The following DPP10 variants were observed in gnomAD, a reference collection of about 807,000 sequenced individuals.
DPP10 encodes the protein inactive dipeptidyl peptidase 10.
In DPP10, 33 loss-of-function variants were observed where a neutral mutation model predicts 120.9. The ratio of observed to expected loss-of-function variants is 0.27; its 90% confidence interval spans 0.21 to 0.37. The LOEUF is 0.37. DPP10 is among the 10% of genes least tolerant of loss of function. The probability of loss-of-function intolerance (pLI) is 1.00; values close to 1 mark genes in which losing one functional copy is unlikely to be tolerated. For synonymous variants in DPP10, 337 were observed against 326.1 expected (o/e 1.03, Z -0.36); for missense variants, 816 against 942.8 (o/e 0.87, Z 1.76).
At chr2:115,797,821 T>G (rs551707315) in intron 19 of DPP10, among the ~76,000 whole-genome samples, 3 of 152,080 alleles carry the variant, frequency 2.0e-5, no homozygotes, top group Non-Finnish European at 4.4e-5. Context: ...AAACTCAAAC[T>G]TGCTGTATTA....
In DPP10 at chr2:115,555,027, A is replaced by G. The variant is rs1272883705; in HGVS notation, c.441+29055A>G. On this transcript the variant is annotated intron_variant, in intron 5 of 25. Coordinates refer to ENST00000410059, the MANE Select transcript of DPP10 (RefSeq NM_020868.6). ...GAAAATATCTAACTTCTGCATTAAT[A>G]TCTAGGTTTTCACACCTCTAAACTA... 3.9e-5 allele frequency among the ~76,000 whole-genome samples: 6 copies of G among 152,096 alleles called. No homozygotes were observed. The South Asian group carries it at 6.2e-4, about 16-fold the overall frequency.
At chr2:115,503,166 A>G (rs2076772758) in intron 4 of DPP10, among the ~76,000 whole-genome samples, 1 of 152,160 alleles carries the variant, frequency 6.6e-6, no homozygotes. Context: ...AATGATTCCA[A>G]GCAAAATGTT....
At chr2:115,213,712 A>G (rs2056653987) in intron 1 of DPP10, among the ~76,000 whole-genome samples, 1 of 152,158 alleles carries the variant, frequency 6.6e-6, no homozygotes. Context: ...TAATATGCAT[A>G]TGCTTAATCC....
intron 19 of DPP10, among the ~76,000 whole-genome samples, chr2:115,805,831 T>G (rs2149997674): frequency 6.6e-6 from 1 of 152,218 alleles, no homozygotes; most frequent in East Asian, 2.0e-4. Flanking sequence ...TGCATTGGCC[T>G]CCCAAAGTGC....
intron 1 of DPP10, among the ~76,000 whole-genome samples, chr2:114,868,593 GAC>G: frequency 6.6e-6 from 1 of 152,266 alleles, no homozygotes; most frequent in East Asian, 1.9e-4. Flanking sequence ...GGTACGGTCA[GAC>G]AAATAACAGG....
chr2:114,760,172 C>T (rs1479396564), intron 1 of DPP10, among the ~76,000 whole-genome samples: 7 of 152,224 alleles, frequency 4.6e-5, no homozygotes, highest in Admixed American at 2.6e-4. Flanking sequence ...TGCGTCCATC[C>T]CCCAGCAGCT....
intron 1 of DPP10, among the ~76,000 whole-genome samples, chr2:115,286,497 T>TGTA (rs2060386024): frequency 1.3e-5 from 1 of 78,358 alleles, no homozygotes; most frequent in Non-Finnish European, 2.6e-5. Context: ...ATATAATATA[T>TGTA]ATATATTACA....
At chr2:115,360,358 T>G (rs893790677) in intron 3 of DPP10, among the ~76,000 whole-genome samples, 2 of 152,176 alleles carry the variant, frequency 1.3e-5, no homozygotes, top group African/African-American at 4.8e-5. Flanking sequence ...TGTTTCTGGG[T>G]GCTTTCAGAG....
chr2:115,039,939 TG>T, intron 1 of DPP10, among the ~76,000 whole-genome samples: 1 of 151,796 alleles, frequency 6.6e-6, no homozygotes, highest in Non-Finnish European at 1.5e-5. Flanking sequence ...TCACCTTACA[TG>T]GCCCATACAG....
chr2:114,749,732 C>T (rs1185230983), intron 1 of DPP10, among the ~76,000 whole-genome samples: 1 of 151,974 alleles, frequency 6.6e-6, no homozygotes, highest in African/African-American at 2.4e-5. Flanking sequence ...TGAGCCACCA[C>T]ACGCAGTCCA....
intron 1 of DPP10, among the ~76,000 whole-genome samples, chr2:115,253,495 G>A (rs1357720930): frequency 1.3e-5 from 2 of 152,056 alleles, no homozygotes; most frequent in African/African-American, 4.8e-5. Context: ...TTACACCTAT[G>A]AGCCTGCAAA....
chr2:114,569,810 A>AAT (rs766373718), intron 1 of DPP10, among the ~76,000 whole-genome samples: 58 of 152,226 alleles, frequency 3.8e-4, no homozygotes, highest in Admixed American at 1.4e-3. Flanking sequence ...TAGAGTGATA[A>AAT]ATCACACTCA....
chr2:114,869,331 T>C (rs2106557167), intron 1 of DPP10, among the ~76,000 whole-genome samples: 1 of 152,284 alleles, frequency 6.6e-6, no homozygotes, highest in Middle Eastern at 3.4e-3. Context: ...CTGTTTGTTG[T>C]TTATTGTGCA....
intron 1 of DPP10, among the ~76,000 whole-genome samples, chr2:115,087,377 T>G (rs1446399631): frequency 1.3e-5 from 2 of 152,124 alleles, no homozygotes; most frequent in Admixed American, 6.6e-5. Context: ...ACAAATACTT[T>G]CCAGAGCAGT....
intron 7 of DPP10, among the ~76,000 whole-genome samples, chr2:115,714,372 G>T (rs553184637): frequency 1.3e-5 from 2 of 152,192 alleles, no homozygotes; most frequent in Admixed American, 1.3e-4. Context: ...AAAGATCTTA[G>T]GATCATGATT....
chr2:115,126,238 C>T (rs570297068), intron 1 of DPP10, among the ~76,000 whole-genome samples: 1 of 152,212 alleles, frequency 6.6e-6, no homozygotes, highest in Admixed American at 6.5e-5. Context: ...CTTGCCTCAG[C>T]CTTCCAAGTA....
At chr2:114,447,033 A>ATT (rs1553442503) in intron 1 of DPP10, among the ~76,000 whole-genome samples, 111 of 100,968 alleles carry the variant, frequency 1.1e-3, no homozygotes, top group Non-Finnish European at 2.0e-3. Flanking sequence ...CTGGTTGTTA[A>ATT]ATTTTTTTTT....
intron 1 of DPP10, among the ~76,000 whole-genome samples, chr2:114,971,311 C>T (rs1028679286): frequency 2.6e-5 from 4 of 152,022 alleles, no homozygotes; most frequent in Non-Finnish European, 4.4e-5. Context: ...TTTTTTAAAT[C>T]GATTTACCTC....
intron 1 of DPP10, among the ~76,000 whole-genome samples, chr2:114,941,021 A>G (rs1261661191): frequency 6.6e-6 from 1 of 152,212 alleles, no homozygotes; most frequent in Non-Finnish European, 1.5e-5. Flanking sequence ...AGGGAAGGCC[A>G]CACACTCTCA....
Sources: gnomAD v4.1 joint callset for allele counts (sites outside exome capture counted in the v4.1 genomes callset) on GRCh38, gnomAD v4.1.1 for gene constraint, MANE v1.5 for transcripts, NCBI Gene and HGNC (gene_info 2026-07-23, HGNC 2026-07-21) for gene names.